The following RANBP2 variants were observed in gnomAD, a reference collection of about 807,000 sequenced individuals.
RANBP2 encodes E3 SUMO-protein ligase RanBP2.
RANBP2 carries 57 observed loss-of-function variants against 303.6 expected under a neutral mutation model. That is an observed-to-expected ratio of 0.19 (90% CI 0.15 to 0.23). RANBP2 has a LOEUF of 0.23. RANBP2 is among the 10% of genes least tolerant of loss of function. The probability of loss-of-function intolerance (pLI) is 1.00; values close to 1 mark genes in which losing one functional copy is unlikely to be tolerated. For missense variants in RANBP2, 3,138 were observed against 3,780.8 expected (o/e 0.83, Z 4.46); for synonymous variants, 1,167 against 1,301.5 (o/e 0.90, Z 2.23).
At chr2:108,928,769 T>C in the RANBP2 span, among the ~76,000 whole-genome samples, 2 of 152,214 alleles carry the variant, frequency 1.3e-5, no homozygotes, top group African/African-American at 4.8e-5. Context: ...CATAATCATT[T>C]TGGAGGGATT....
chr2:109,338,835 G>C, the RANBP2 span, among the ~76,000 whole-genome samples: 1 of 152,284 alleles, frequency 6.6e-6, no homozygotes, highest in Non-Finnish European at 1.5e-5. Context: ...GTGAGCCATT[G>C]CGCCAAGTCT....
intron 1 of RANBP2, among the ~76,000 whole-genome samples, chr2:108,722,549 C>T (rs1007546939): frequency 6.0e-5 from 9 of 151,098 alleles, no homozygotes; most frequent in African/African-American, 2.2e-4. Context: ...GATGATGCGT[C>T]TGTATATCAT....
chr2:109,379,739 C>T, the RANBP2 span, among the ~76,000 whole-genome samples: 1 of 152,168 alleles, frequency 6.6e-6, no homozygotes, highest in African/African-American at 2.4e-5. Context: ...TCAGTGTGGA[C>T]TGTGCCTCCA....
the RANBP2 span, among the ~76,000 whole-genome samples, chr2:109,130,808 C>G: frequency 6.6e-6 from 1 of 152,166 alleles, no homozygotes; most frequent in African/African-American, 2.4e-5. Context: ...TTAGGGCCTT[C>G]GCTGCTTCTG....
chr2:108,775,721 C>T lies in RANBP2; in HGVS notation c.8293-11C>T. On this transcript the variant is annotated splice_polypyrimidine_tract_variant and intron_variant, in intron 23 of 28. Transcript: ENST00000283195. Reference sequence around the variant, plus strand: ...TAAGTGGCATAGTATTTTGTGACTTCCTCTTTGCAGAAATCTCAGACAGAA... The same window carrying T: ...TAAGTGGCATAGTATTTTGTGACTTTCTCTTTGCAGAAATCTCAGACAGAA... The T allele has an allele frequency of 6.2e-7, 1 of 1,613,330 alleles. No homozygotes were observed. The highest frequency in any genetic ancestry group is 1.1e-5 in the South Asian group (1 of 91,058).
chr2:109,633,894 G>C, the RANBP2 span, among the ~76,000 whole-genome samples: 1 of 151,880 alleles, frequency 6.6e-6, no homozygotes, highest in African/African-American at 2.4e-5. Flanking sequence ...GGTCAAGGTG[G>C]GTGGATCACA....
the RANBP2 span, among the ~76,000 whole-genome samples, chr2:109,683,507 T>G: frequency 4.6e-5 from 7 of 152,176 alleles, no homozygotes; most frequent in African/African-American, 1.7e-4. Flanking sequence ...TTAAGTAGAC[T>G]CTCAGGAGGC....
At chr2:108,772,422 G>A in intron 21 of RANBP2, 67 bp from the exon 22 acceptor site, 1 of 1,231,878 alleles carries the variant, frequency 8.1e-7, no homozygotes, top group Non-Finnish European at 1.2e-6. Context: ...GAAGTTGGAG[G>A]TAGTCCCTAA....
the RANBP2 span, chr2:109,129,681 C>G: frequency 1.3e-6 from 2 of 1,524,502 alleles, no homozygotes; most frequent in South Asian, 2.4e-5. Flanking sequence ...AGGACATGGA[C>G]GAGTCGTCGC....
the RANBP2 span, among the ~76,000 whole-genome samples, chr2:109,610,546 G>A: frequency 6.6e-6 from 1 of 152,014 alleles, no homozygotes; most frequent in Non-Finnish European, 1.5e-5. Flanking sequence ...GAAACCCTGT[G>A]TCTACTAAAA....
chr2:109,646,470 T>A, the RANBP2 span, among the ~76,000 whole-genome samples: 12 of 152,078 alleles, frequency 7.9e-5, no homozygotes, highest in African/African-American at 2.9e-4. Flanking sequence ...TGTACTCATG[T>A]TTGCATGTAT....
At chr2:109,005,916 C>A in the RANBP2 span, among the ~76,000 whole-genome samples, 2 of 152,200 alleles carry the variant, frequency 1.3e-5, no homozygotes, top group African/African-American at 4.8e-5. Context: ...TATCCAATTC[C>A]CAGGGCTTCG....
At chr2:109,393,827 C>G in the RANBP2 span, among the ~76,000 whole-genome samples, 1 of 152,022 alleles carries the variant, frequency 6.6e-6, no homozygotes. Context: ...CTCTTCTTTT[C>G]ATGTTACAGC....
chr2:109,123,229 C>T, the RANBP2 span, among the ~76,000 whole-genome samples: 3 of 152,272 alleles, frequency 2.0e-5, no homozygotes, highest in Middle Eastern at 3.4e-3. Flanking sequence ...GCTAACTAGA[C>T]AGGTGCCCTG....
At chr2:109,430,626 C>T in the RANBP2 span, among the ~76,000 whole-genome samples, 1 of 152,212 alleles carries the variant, frequency 6.6e-6, no homozygotes, top group Admixed American at 6.5e-5. Context: ...TACGTGTTGG[C>T]TGCAGTTGTT....
At chr2:108,804,528 T>A in the RANBP2 span, among the ~76,000 whole-genome samples, 1 of 152,180 alleles carries the variant, frequency 6.6e-6, no homozygotes, top group Non-Finnish European at 1.5e-5. Context: ...AGCTTATCTC[T>A]TGAAGAGTAT....
the RANBP2 span, among the ~76,000 whole-genome samples, chr2:109,076,483 G>A: frequency 1.3e-5 from 2 of 150,360 alleles, no homozygotes; most frequent in Non-Finnish European, 3.0e-5. Context: ...GTTTCTGGGT[G>A]ACATGGTCCT....
the RANBP2 span, among the ~76,000 whole-genome samples, chr2:109,451,137 C>T: frequency 6.6e-6 from 1 of 152,256 alleles, no homozygotes; most frequent in Non-Finnish European, 1.5e-5. Flanking sequence ...CCCGTGCTGA[C>T]TGGTGTGGCA....
chr2:109,678,457 A>T, the RANBP2 span, among the ~76,000 whole-genome samples: 1 of 152,186 alleles, frequency 6.6e-6, no homozygotes, highest in Admixed American at 6.5e-5. Flanking sequence ...TGGCCCTACC[A>T]GGGATCGCAA....
Sources: allele counts gnomAD v4.1 joint callset (sites outside exome capture counted in the v4.1 genomes callset), GRCh38; gene constraint gnomAD v4.1.1; transcripts MANE v1.5; gene names NCBI Gene and HGNC (gene_info 2026-07-23, HGNC 2026-07-21).